FSD1L: variants seen among roughly 807,000 people sequenced by gnomAD.
FSD1L encodes the protein FSD1-like protein.
FSD1L carries 45 observed loss-of-function variants against 71.6 expected under a neutral mutation model. That is an observed-to-expected ratio of 0.63 (90% CI 0.49 to 0.81). The LOEUF is 0.81. Ranked by LOEUF, FSD1L falls within the 30% of genes least tolerant of loss-of-function variation. The probability of loss-of-function intolerance (pLI) is 0.00; values close to 1 mark genes in which losing one functional copy is unlikely to be tolerated. For missense variants in FSD1L, 561 were observed against 618.1 expected, an observed-to-expected ratio of 0.91 and a Z score of 0.98; for synonymous variants, 197 against 207.2, an observed-to-expected ratio of 0.95 and a Z score of 0.42.
chr9:105,502,598 A>G (rs1367541449), intron 7 of FSD1L, among the ~76,000 whole-genome samples: 4 of 152,246 alleles, frequency 2.6e-5, no homozygotes, highest in East Asian at 3.9e-4. Context: ...TTCTTTATCT[A>G]GGTTTCCCAT....
intron 7 of FSD1L, among the ~76,000 whole-genome samples, chr9:105,505,295 C>T (rs985871203): frequency 2.0e-5 from 3 of 152,202 alleles, no homozygotes; most frequent in African/African-American, 7.2e-5. Context: ...GAGTCTCGCT[C>T]TGTTGCCCAG....
At chr9:105,504,634 C>T (rs1172426923) in intron 7 of FSD1L, among the ~76,000 whole-genome samples, 1 of 152,106 alleles carries the variant, frequency 6.6e-6, no homozygotes, top group Non-Finnish European at 1.5e-5. Context: ...TACCAAAATC[C>T]ACAGATGCTC....
chr9:105,499,764 A>G (rs1029404820), intron 7 of FSD1L, among the ~76,000 whole-genome samples: 6 of 150,720 alleles, frequency 4.0e-5, no homozygotes, highest in East Asian at 1.9e-4. Flanking sequence ...ATTGTTTCAA[A>G]TATATCTTCT....
At position 105,547,159 on chromosome 9, in the gene FSD1L, G is replaced by C. The variant is rs557505590; in HGVS notation, c.*676G>C. 1 of 152,512 alleles carries C rather than the reference G, an allele frequency of 6.6e-6. No individual in the cohort carries two copies. The highest frequency in any genetic ancestry group is 1.5e-5 in the Non-Finnish European group (1 of 67,942). 9.4% of individuals were successfully genotyped at this position (152,512 alleles called of 1,614,324 possible). A position where few individuals can be genotyped will look rare whatever the true frequency, so the allele number is the denominator to read the frequency against. ...TTACCTACTGCACTAACAATGGCAA[G>C]GGGGGTATTCTTTATATGTTGCCTT... On this transcript the variant is annotated 3_prime_UTR_variant, in exon 14 of 14. Transcript: ENST00000481272.
At chr9:105,450,255 T>C (rs1055786438) in intron 1 of FSD1L, among the ~76,000 whole-genome samples, 4 of 152,192 alleles carry the variant, frequency 2.6e-5, no homozygotes, top group Non-Finnish European at 5.9e-5. Flanking sequence ...GGAATGTACA[T>C]TGAAAATAGT....
chr9:105,508,069 A>G (rs1186597405), intron 8 of FSD1L, among the ~76,000 whole-genome samples: 2 of 151,652 alleles, frequency 1.3e-5, no homozygotes, highest in Non-Finnish European at 2.9e-5. Flanking sequence ...GGGTTTCTCC[A>G]TGTTGGTCAG....
chr9:105,489,543 T>C (rs1429454400), intron 7 of FSD1L, among the ~76,000 whole-genome samples: 1 of 152,210 alleles, frequency 6.6e-6, no homozygotes, highest in Non-Finnish European at 1.5e-5. Flanking sequence ...TTAGGGTACA[T>C]TTGTACAATG....
At chr9:105,525,966 G>A (rs1371283122) in intron 10 of FSD1L, 9 of 1,569,850 alleles carry the variant, frequency 5.7e-6, no homozygotes, top group African/African-American at 1.4e-5. Flanking sequence ...ATGATGAAGT[G>A]CACATTGTTT....
chr9:105,520,025 A>T, intron 10 of FSD1L: 1 of 1,462,020 alleles, frequency 6.8e-7, no homozygotes. Context: ...TGGGGAGCTA[A>T]TGAGCCTCTC....
intron 7 of FSD1L, among the ~76,000 whole-genome samples, chr9:105,490,841 C>T: frequency 7.8e-6 from 1 of 128,038 alleles, no homozygotes; most frequent in Non-Finnish European, 1.6e-5. Flanking sequence ...TTTCTGAGGG[C>T]TCTGTTCTGT....
intron 9 of FSD1L, among the ~76,000 whole-genome samples, chr9:105,510,304 T>G (rs186794480): frequency 2.5e-4 from 38 of 152,318 alleles, no homozygotes; most frequent in African/African-American, 9.1e-4. Flanking sequence ...GATTCTGACC[T>G]TCAGGGAGTT....
At chr9:105,541,887 A>G (rs1017916464) in intron 13 of FSD1L, among the ~76,000 whole-genome samples, 4 of 152,202 alleles carry the variant, frequency 2.6e-5, no homozygotes, top group African/African-American at 9.7e-5. Context: ...ATTGTATGGT[A>G]TGTAGCCTTT....
chr9:105,477,030 A>T (rs1831850881), intron 5 of FSD1L, among the ~76,000 whole-genome samples: 1 of 152,150 alleles, frequency 6.6e-6, no homozygotes, highest in Non-Finnish European at 1.5e-5. Context: ...CTGGCTTTTC[A>T]TTTATTCCTT....
chr9:105,533,615 G>T lies in FSD1L; in HGVS notation c.1026-878G>T, dbSNP rs1212647416. On this transcript the variant is annotated intron_variant, in intron 10 of 13. Coordinates refer to ENST00000481272, the MANE Select transcript of FSD1L (RefSeq NM_001145313.3). ...TTTTTGTATTTTTAGTAGAAACGGG[G>T]TTTCACTGTGTTGCCCAGGCTGGTC... Among the ~76,000 whole-genome samples, 5 of 149,062 alleles carry T rather than the reference G, an allele frequency of 3.4e-5. No individual in the cohort carries two copies. The South Asian group carries it at 1.1e-3, about 32-fold the overall frequency.
rs1255456005 is a variant in FSD1L at position 105,468,327 on chromosome 9, G to C, written c.339+3G>C. On this transcript the variant is annotated splice_donor_region_variant and intron_variant, in intron 4 of 13. Transcript: ENST00000481272. ...CTCGTAAATCCCAAGAGTTACAGGT[G>C]AGATCATACAGCTATTGAAATATGG... 2 of 1,482,370 alleles carry C rather than the reference G, an allele frequency of 1.3e-6. No individual in the cohort carries two copies. Among genetic ancestry groups the C allele is most frequent in the Non-Finnish European group, 1.8e-6 (2 of 1,123,396 alleles). 91.8% of individuals were successfully genotyped at this position (1,482,370 alleles called of 1,614,324 possible). A position where few individuals can be genotyped will look rare whatever the true frequency, so the allele number is the denominator to read the frequency against.
intron 10 of FSD1L, among the ~76,000 whole-genome samples, chr9:105,516,158 A>C (rs939079958): frequency 1.3e-5 from 2 of 152,208 alleles, no homozygotes; most frequent in East Asian, 3.8e-4. Flanking sequence ...CTCTCTGAGC[A>C]GGCCATCTCT....
chr9:105,463,457 T>C lies in FSD1L; in HGVS notation c.112-779T>C, dbSNP rs187257658. On this transcript the variant is annotated intron_variant, in intron 2 of 13. Coordinates refer to ENST00000481272, the MANE Select transcript of FSD1L (RefSeq NM_001145313.3). ...ACTTGTGCTGTCCAATATGATAGCA[T>C]TGGTTACATTTGACTATATAAACTT... Among the ~76,000 whole-genome samples, 16 of 152,346 alleles carry C rather than the reference T, an allele frequency of 1.1e-4. No individual in the cohort carries two copies. In the East Asian group the frequency reaches 2.1e-3, roughly 20 times the overall value.
rs1205135750 is a variant in FSD1L at position 105,546,967 on chromosome 9, G to A, written c.*484G>A. The A allele has an allele frequency of 6.6e-6, 1 of 151,824 alleles. No homozygotes were observed. Among genetic ancestry groups the A allele is most frequent in the Non-Finnish European group, 1.5e-5 (1 of 67,930 alleles). 9.4% of individuals were successfully genotyped at this position (151,824 alleles called of 1,614,324 possible). On this transcript the variant is annotated 3_prime_UTR_variant, in exon 14 of 14. Transcript: ENST00000481272. ...AAAATTGAAATCATATGTTGGGAAT[G>A]GTAAAAAGGTTTTCAAATGGTTTAT...
intron 7 of FSD1L, among the ~76,000 whole-genome samples, chr9:105,488,951 A>T (rs1185809863): frequency 6.6e-6 from 1 of 151,996 alleles, no homozygotes; most frequent in Middle Eastern, 3.4e-3. Context: ...ACTATGAATT[A>T]CTCATCATTT....
Sources: allele counts gnomAD v4.1 joint callset (sites outside exome capture counted in the v4.1 genomes callset), GRCh38; gene constraint gnomAD v4.1.1; transcripts MANE v1.5; gene names NCBI Gene and HGNC (gene_info 2026-07-23, HGNC 2026-07-21).